Variants in TIAM1 observed in about 807,000 individuals in gnomAD.
TIAM1 encodes rho guanine nucleotide exchange factor TIAM1.
In TIAM1, 65 loss-of-function variants were observed where a neutral mutation model predicts 163.5. That is an observed-to-expected ratio of 0.40 (90% confidence interval 0.33 to 0.49). The LOEUF (loss-of-function observed/expected upper bound fraction) is 0.49, where lower values mean the gene tolerates loss of function less well. Among genes scored for constraint, TIAM1 ranks in the 20% least tolerant of loss-of-function variants. The pLI, the probability that TIAM1 is intolerant of heterozygous loss-of-function variation, is 0.77. For missense variants in TIAM1, 1,789 were observed against 2,044.7 expected (o/e 0.87, Z 2.41); for synonymous variants, 833 against 810.1 (o/e 1.03, Z -0.48).
chr21:31,352,998 G>A (rs2076259484), intron 2 of TIAM1, among the ~76,000 whole-genome samples: 2 of 152,116 alleles, frequency 1.3e-5, no homozygotes, highest in Non-Finnish European at 2.9e-5. Flanking sequence ...GCCCAGATAA[G>A]TGATTTTCTC....
chr21:31,255,235 CA>C (rs1487319404), intron 4 of TIAM1, among the ~76,000 whole-genome samples: 3 of 152,198 alleles, frequency 2.0e-5, no homozygotes, highest in Non-Finnish European at 2.9e-5. Context: ...TGATCCAAGA[CA>C]ACTCCACCTT....
chr21:31,367,659 A>C (rs1041552994), intron 2 of TIAM1, among the ~76,000 whole-genome samples: 2 of 152,186 alleles, frequency 1.3e-5, no homozygotes, highest in Admixed American at 1.3e-4. Context: ...CAAAGAGCAG[A>C]CAACCAAGAG....
intron 5 of TIAM1, among the ~76,000 whole-genome samples, chr21:31,246,904 T>A (rs140108543): frequency 1.4e-4 from 21 of 152,352 alleles, no homozygotes; most frequent in African/African-American, 5.0e-4. Context: ...CTGCTGAGCA[T>A]CATGATTTCA....
intron 6 of TIAM1, among the ~76,000 whole-genome samples, chr21:31,237,611 C>T (rs2070961214): frequency 6.6e-6 from 1 of 152,080 alleles, no homozygotes; most frequent in South Asian, 2.1e-4. Context: ...CATACAATAC[C>T]CTTGCACAAG....
rs540859519 is a variant in TIAM1, at chr21:31,395,082, A to G, written c.-368-55660T>C. Among the ~76,000 whole-genome samples the G allele has an allele frequency of 3.3e-5, 5 of 152,114 alleles. No individual in the cohort carries two copies. The highest frequency in any genetic ancestry group is 7.3e-5 in the Non-Finnish European group (5 of 68,036). ...GTGAAACCCCGTATCTACCAAAAATACAAACATTAGCCAGGCATGGTGGCG... is the reference window on the plus strand; with the variant it reads ...GTGAAACCCCGTATCTACCAAAAATGCAAACATTAGCCAGGCATGGTGGCG... On this transcript the variant is annotated intron_variant, in intron 2 of 28. Transcript: ENST00000286827. This position sits in a 1 kb window ranked among gnomAD's most constrained non-coding sequence, Gnocchi z 7.5.
intron 16 of TIAM1, chr21:31,160,471 CA>C (rs2083860515): frequency 5.0e-6 from 2 of 398,552 alleles, no homozygotes; most frequent in African/African-American, 4.1e-5. Flanking sequence ...TACATAGAGT[CA>C]CCGGACTTGT....
At chr21:31,351,241 C>A (rs2076228988) in intron 2 of TIAM1, among the ~76,000 whole-genome samples, 1 of 152,198 alleles carries the variant, frequency 6.6e-6, no homozygotes, top group Admixed American at 6.5e-5. Context: ...ACTCATTCAT[C>A]TGAAGTCAGA....
intron 1 of TIAM1, among the ~76,000 whole-genome samples, chr21:31,503,926 C>T (rs1439375274): frequency 6.6e-6 from 1 of 151,664 alleles, no homozygotes; most frequent in Admixed American, 6.6e-5. Flanking sequence ...ATTTGATAGA[C>T]TAACTATCCT....
chr21:31,430,183 G>A (rs1364987053), intron 2 of TIAM1, among the ~76,000 whole-genome samples: 2 of 143,794 alleles, frequency 1.4e-5, no homozygotes, highest in Non-Finnish European at 3.0e-5. Context: ...TCCAGCCTGG[G>A]CAACAAGAGC....
intron 2 of TIAM1, among the ~76,000 whole-genome samples, chr21:31,392,309 G>A (rs989848986): frequency 1.3e-5 from 2 of 152,046 alleles, no homozygotes; most frequent in South Asian, 2.1e-4. Flanking sequence ...GGTGGCTCAC[G>A]CCTGTAATCC....
chr21:31,358,441 T>C (rs1178856692), intron 2 of TIAM1, among the ~76,000 whole-genome samples: 2 of 152,182 alleles, frequency 1.3e-5, no homozygotes, highest in African/African-American at 2.4e-5. Flanking sequence ...TCCCAATGCA[T>C]GTCTCTAGCC....
At chr21:31,245,178 T>C (rs1404491288) in intron 6 of TIAM1, among the ~76,000 whole-genome samples, 1 of 151,982 alleles carries the variant, frequency 6.6e-6, no homozygotes, top group Non-Finnish European at 1.5e-5. Context: ...GCAACAGAAA[T>C]GGTACTGAGA....
rs538756503 is a variant in TIAM1 at position 31,447,933 on chromosome 21, C to T, written c.-369+16050G>A. ...GCAATGGTGGAGTTCCAGTCCAAGG[C>T]TGAAAGCAGGAGGGAAAAAATGATG... is the stretch of plus-strand genomic sequence containing the variant. On this transcript the variant is annotated intron_variant, in intron 2 of 28. Coordinates refer to the TIAM1 transcript ENST00000286827. Among the ~76,000 whole-genome samples the T allele has an allele frequency of 3.9e-5, 6 of 152,172 alleles. No homozygotes were observed. The South Asian group carries it at 1.2e-3, about 32-fold the overall frequency.
intron 2 of TIAM1, among the ~76,000 whole-genome samples, chr21:31,310,232 C>T (rs983542443): frequency 6.6e-6 from 1 of 152,194 alleles, no homozygotes; most frequent in African/African-American, 2.4e-5. Flanking sequence ...CCTGGAAGGC[C>T]TCCAAGCTCT....
intron 16 of TIAM1, among the ~76,000 whole-genome samples, chr21:31,157,869 A>T (rs1167835739): frequency 6.6e-6 from 1 of 152,192 alleles, no homozygotes; most frequent in East Asian, 1.9e-4. Context: ...ACCTTTTATC[A>T]TTTAGGCAAA....
At chr21:31,300,844 A>T (rs945204322) in intron 2 of TIAM1, among the ~76,000 whole-genome samples, 6 of 152,252 alleles carry the variant, frequency 3.9e-5, no homozygotes, top group African/African-American at 1.2e-4. Context: ...CCAAATAGAG[A>T]TACGGTAAAA....
intron 2 of TIAM1, among the ~76,000 whole-genome samples, chr21:31,387,195 C>T (rs868326435): frequency 2.7e-5 from 2 of 75,162 alleles, no homozygotes; most frequent in Non-Finnish European, 5.2e-5. Flanking sequence ...AGCTTATTCT[C>T]TTTTTTTTTT....
intron 2 of TIAM1, among the ~76,000 whole-genome samples, chr21:31,284,764 G>A (rs2073727596): frequency 6.6e-6 from 1 of 151,950 alleles, no homozygotes; most frequent in Admixed American, 6.6e-5. Context: ...GACCTCAAGT[G>A]ATCAGCCCAC....
At chr21:31,499,309 C>G (rs2046770392) in intron 1 of TIAM1, among the ~76,000 whole-genome samples, 1 of 152,154 alleles carries the variant, frequency 6.6e-6, no homozygotes, top group African/African-American at 2.4e-5. Context: ...CCTGTAATCT[C>G]AGCACTTTGG....
Sources: gnomAD v4.1 joint callset for allele counts (sites outside exome capture counted in the v4.1 genomes callset) on GRCh38, gnomAD v4.1.1 for gene constraint, Gnocchi (gnomAD v3.1) non-coding constraint, MANE v1.5 for transcripts, NCBI Gene and HGNC (gene_info 2026-07-23, HGNC 2026-07-21) for gene names.